Variants in ERC2 observed in about 807,000 individuals in gnomAD.
ERC2 encodes ERC protein 2.
A neutral mutation model predicts 114.8 loss-of-function variants in ERC2; 42 were observed. That is an observed-to-expected ratio of 0.37 (90% CI 0.29 to 0.47). The LOEUF (loss-of-function observed/expected upper bound fraction) is 0.47. Among genes scored for constraint, ERC2 ranks in the 20% least tolerant of loss-of-function variants. The pLI, the probability that ERC2 is intolerant of heterozygous loss-of-function variation, is 0.99. For missense variants in ERC2, 939 were observed against 1,150.7 expected (o/e 0.82, Z 2.66); for synonymous variants, 454 against 425.5 (o/e 1.07, Z -0.82).
At chr3:55,758,291 A>T (rs138257238) in intron 14 of ERC2, among the ~76,000 whole-genome samples, 2 of 152,270 alleles carry the variant, frequency 1.3e-5, no homozygotes, top group African/African-American at 4.8e-5. Flanking sequence ...GTAGTCTAGG[A>T]CTCTGAAATG....
At chr3:56,355,027 G>A (rs899129262) in intron 2 of ERC2, among the ~76,000 whole-genome samples, 1 of 152,218 alleles carries the variant, frequency 6.6e-6, no homozygotes, top group Non-Finnish European at 1.5e-5. Flanking sequence ...GGACTGGAAG[G>A]TGCCTATTTC....
chr3:56,009,016 C>G (rs1327977441), intron 9 of ERC2, among the ~76,000 whole-genome samples: 1 of 152,166 alleles, frequency 6.6e-6, no homozygotes, highest in Non-Finnish European at 1.5e-5. Flanking sequence ...CACACCCAGC[C>G]CAGTGCCAAG....
Position 55,699,369 on chromosome 3 carries a change from G to T in ERC2, c.2847+9C>A, listed in dbSNP as rs2063105616. The T allele has an allele frequency of 6.2e-7, 1 of 1,613,592 alleles. No individual in the cohort carries two copies. The highest frequency in any genetic ancestry group is 8.5e-7 in the Non-Finnish European group (1 of 1,179,782). On this transcript the variant is annotated intron_variant, in intron 16 of 17. Coordinates refer to ENST00000288221, the MANE Select transcript of ERC2 (RefSeq NM_015576.3). ...AGGGGTCTTGGAGGTAAGCAGCGAT[G>T]AAACTGACCTGGTCCGGAGAGGGCC...
intron 2 of ERC2, among the ~76,000 whole-genome samples, chr3:56,426,784 C>A (rs1357805512): frequency 6.6e-6 from 1 of 152,120 alleles, no homozygotes; most frequent in African/African-American, 2.4e-5. Context: ...GAGAGATAAA[C>A]GCTTGTCTTT....
intron 7 of ERC2, among the ~76,000 whole-genome samples, chr3:56,025,219 A>G (rs2073965467): frequency 6.6e-6 from 1 of 152,204 alleles, no homozygotes; most frequent in African/African-American, 2.4e-5. Context: ...GGTTGCTAGT[A>G]CAGGGCCTAC....
chr3:55,797,920 A>C (rs2070648408), intron 14 of ERC2, among the ~76,000 whole-genome samples: 1 of 152,226 alleles, frequency 6.6e-6, no homozygotes, highest in African/African-American at 2.4e-5. Context: ...AAAAAATATA[A>C]TTGTTAACCT....
At chr3:55,807,499 G>T (rs983330070) in intron 14 of ERC2, among the ~76,000 whole-genome samples, 1 of 151,416 alleles carries the variant, frequency 6.6e-6, no homozygotes, top group Non-Finnish European at 1.5e-5. Flanking sequence ...CAGCTTTGTG[G>T]GTCATATGAA....
At chr3:55,610,064 C>CAAAAAAAAAAAAAAAAAAAACAAAA (rs2058829291) in intron 17 of ERC2, among the ~76,000 whole-genome samples, 1 of 118,714 alleles carries the variant, frequency 8.4e-6, no homozygotes, top group African/African-American at 2.8e-5. Context: ...CAAACACAAA[C>CAAAAAAAAAAAAAAAAAAAACAAAA]AAAAAAAAAA....
In ERC2 at chr3:55,842,771, T is replaced by C. The variant is rs113691801; in HGVS notation, c.2564+45618A>G. 5.1e-3 allele frequency among the ~76,000 whole-genome samples: 784 copies of C among 152,274 alleles called. 7 individuals carry two copies. The highest frequency in any genetic ancestry group is 0.018 in the African/African-American group (744 of 41,550). Reference sequence around the variant, plus strand: ...TCAAGAAAGATATGGAAAGGACTGCTTGGCTTTCTGTCCTCCTATTTCTTG... The same window carrying C: ...TCAAGAAAGATATGGAAAGGACTGCCTGGCTTTCTGTCCTCCTATTTCTTG... On this transcript the variant is annotated intron_variant, in intron 14 of 17. Coordinates refer to ENST00000288221, the MANE Select transcript of ERC2 (RefSeq NM_015576.3).
intron 9 of ERC2, among the ~76,000 whole-genome samples, chr3:56,009,279 A>C (rs190887332): frequency 1.3e-5 from 2 of 152,272 alleles, no homozygotes; most frequent in Non-Finnish European, 2.9e-5. Context: ...GTCATCACAG[A>C]TCCTCCAACT....
intron 2 of ERC2, among the ~76,000 whole-genome samples, chr3:56,345,033 T>A (rs1254100354): frequency 6.6e-6 from 1 of 152,232 alleles, no homozygotes; most frequent in African/African-American, 2.4e-5. Flanking sequence ...GAGGTATTTA[T>A]GGCACTGAAA....
chr3:56,451,306 T>A (rs1197662941), intron 1 of ERC2, among the ~76,000 whole-genome samples: 1 of 152,088 alleles, frequency 6.6e-6, no homozygotes, highest in East Asian at 1.9e-4. Context: ...AATAGCTTTT[T>A]ACTAGAAAAG....
At chr3:55,698,831 T>C (rs776020684) in intron 16 of ERC2, among the ~76,000 whole-genome samples, 4 of 152,214 alleles carry the variant, frequency 2.6e-5, no homozygotes, top group Non-Finnish European at 5.9e-5. Context: ...TTTGTTTTTG[T>C]CAATCCATCT....
intron 3 of ERC2, among the ~76,000 whole-genome samples, chr3:56,202,616 C>T (rs975249400): frequency 6.6e-6 from 1 of 150,620 alleles, no homozygotes; most frequent in Non-Finnish European, 1.5e-5. Flanking sequence ...TATAGATATA[C>T]ATTGTGAAAT....
intron 17 of ERC2, among the ~76,000 whole-genome samples, chr3:55,678,780 C>T (rs1159582260): frequency 1.3e-5 from 2 of 152,200 alleles, no homozygotes; most frequent in Non-Finnish European, 2.9e-5. Flanking sequence ...TCAGTGCCCC[C>T]ACCACCACCA....
intron 6 of ERC2, among the ~76,000 whole-genome samples, chr3:56,130,493 C>T (rs1560222655): frequency 6.6e-6 from 1 of 152,152 alleles, no homozygotes; most frequent in Non-Finnish European, 1.5e-5. Flanking sequence ...AACTGAACAC[C>T]TGTGTTTATA....
intron 7 of ERC2, among the ~76,000 whole-genome samples, chr3:56,063,242 G>T (rs2076322361): frequency 6.6e-6 from 1 of 152,192 alleles, no homozygotes; most frequent in South Asian, 2.1e-4. Context: ...ACCACAAAGG[G>T]CAGCACAAGG....
At chr3:55,574,908 T>C (rs1013156236) in intron 17 of ERC2, among the ~76,000 whole-genome samples, 1 of 152,184 alleles carries the variant, frequency 6.6e-6, no homozygotes, top group African/African-American at 2.4e-5. Context: ...CCCACTGCCA[T>C]GTAAGTGCCC....
intron 14 of ERC2, among the ~76,000 whole-genome samples, chr3:55,857,144 T>C (rs2061823928): frequency 6.6e-6 from 1 of 152,136 alleles, no homozygotes; most frequent in Non-Finnish European, 1.5e-5. Flanking sequence ...ATTGTATACT[T>C]TATATTGGTT....
Sources: allele counts gnomAD v4.1 joint callset (sites outside exome capture counted in the v4.1 genomes callset), GRCh38; gene constraint gnomAD v4.1.1; transcripts MANE v1.5; gene names NCBI Gene and HGNC (gene_info 2026-07-23, HGNC 2026-07-21).